SGCD: variants seen among roughly 807,000 people sequenced by gnomAD.
The protein encoded by SGCD is delta-sarcoglycan.
A neutral mutation model predicts 36.6 loss-of-function variants in SGCD; 18 were observed. The ratio of observed to expected loss-of-function variants is 0.49; its 90% CI spans 0.34 to 0.73. The LOEUF (loss-of-function observed/expected upper bound fraction) is 0.73. Among genes scored for constraint, SGCD ranks in the 30% least tolerant of loss-of-function variants. The probability of loss-of-function intolerance (pLI) is 0.01; values close to 1 mark genes in which losing one functional copy is unlikely to be tolerated. For missense variants in SGCD, 387 were observed against 346.7 expected (o/e 1.12, Z -0.92); for synonymous variants, 133 against 130.6 (o/e 1.02, Z -0.12).
In SGCD at chr5:156,234,270, G is replaced by C. The variant is rs1348375615; in HGVS notation, c.-43-95264G>C. ...TGAGTTTTAAGGGTTCTTTGTATAT[G>C]TTGGATACCAGACCTTTATCAAATA... On this transcript the variant is annotated intron_variant, in intron 3 of 9. Coordinates refer to the SGCD transcript ENST00000517913. Among the ~76,000 whole-genome samples the C allele has an allele frequency of 2.0e-5, 3 of 152,102 alleles. No homozygotes were observed. The East Asian group carries it at 5.8e-4, about 29-fold the overall frequency.
At chr5:155,886,235 C>T (rs993330450) in intron 1 of SGCD, among the ~76,000 whole-genome samples, 6 of 152,140 alleles carry the variant, frequency 3.9e-5, no homozygotes, top group African/African-American at 7.2e-5. Context: ...AAAAGCAGTA[C>T]GTGCAGTTAG....
Position 156,594,986 on chromosome 5 carries a change from G to A in SGCD, c.437G>A (p.Gly146Glu), listed in dbSNP as rs1438925313. 1.2e-6 allele frequency: 2 copies of A among 1,612,632 alleles called. No individual in the cohort carries two copies. Among genetic ancestry groups the A allele is most frequent in the Non-Finnish European group, 1.7e-6 (2 of 1,179,086 alleles). The change falls in exon 6 of 9, where the codon GGA (glycine) becomes GAA (glutamate). Residue 146 changes from glycine to glutamate, a missense_variant. Gly to Glu is a moderately conservative substitution (Grantham distance 98). Transcript: ENST00000337851. ...AAATTTGAGGTAAAAACTGTTTCTG[G>A]AAAATTGCTCTTCTCTGCAGACAAT... ...GKKFEVKTVS[G>E]KLLFSADNNE...
intron 1 of SGCD, among the ~76,000 whole-genome samples, chr5:155,917,743 C>A (rs1047377496): frequency 2.0e-5 from 3 of 152,108 alleles, no homozygotes; most frequent in Non-Finnish European, 4.4e-5. Context: ...GGAAACATGG[C>A]CAAGAGTTTC....
At chr5:156,620,601 A>C (rs897010904) in intron 6 of SGCD, among the ~76,000 whole-genome samples, 1 of 152,204 alleles carries the variant, frequency 6.6e-6, no homozygotes, top group African/African-American at 2.4e-5. Context: ...GGGGAAGTGT[A>C]ATGGATGGGG....
At chr5:156,297,640 G>A (rs1423312500) in intron 3 of SGCD, among the ~76,000 whole-genome samples, 1 of 124,230 alleles carries the variant, frequency 8.0e-6, no homozygotes, top group Non-Finnish European at 1.7e-5. Flanking sequence ...GACTGTTGTG[G>A]GGTGGGGGGA....
At chr5:156,422,325 GTTTTGT>G (rs764147011) in intron 3 of SGCD, among the ~76,000 whole-genome samples, 4 of 151,984 alleles carry the variant, frequency 2.6e-5, no homozygotes, top group African/African-American at 7.2e-5. Context: ...CAAAGTCACT[GTTTTGT>G]TTTTGTTTTT....
At chr5:156,638,626 G>A (rs2113556075) in intron 6 of SGCD, among the ~76,000 whole-genome samples, 2 of 152,224 alleles carry the variant, frequency 1.3e-5, no homozygotes, top group South Asian at 4.1e-4. Flanking sequence ...TTGTTATACT[G>A]TGCAGTTTTA....
chr5:156,443,112 G>A (rs1327505081), intron 3 of SGCD, among the ~76,000 whole-genome samples: 1 of 152,102 alleles, frequency 6.6e-6, no homozygotes, highest in Non-Finnish European at 1.5e-5. Flanking sequence ...AGCCTCCCGA[G>A]TAGCTGGGAT....
At chr5:155,829,200 C>G in the SGCD span, among the ~76,000 whole-genome samples, 1 of 152,092 alleles carries the variant, frequency 6.6e-6, no homozygotes, top group East Asian at 1.9e-4. Context: ...GCAGGATGAA[C>G]TATACACCTT....
the SGCD span, among the ~76,000 whole-genome samples, chr5:155,789,765 T>G: frequency 6.6e-6 from 1 of 152,092 alleles, no homozygotes; most frequent in Non-Finnish European, 1.5e-5. Context: ...TCACAAAGTA[T>G]GTTAGAAGTG....
chr5:156,738,634 ATGTGGCCAC>A (rs1178262098), intron 7 of SGCD: 8 of 152,184 alleles, frequency 5.3e-5, no homozygotes, highest in African/African-American at 1.9e-4. Context: ...GCAGTCTGTT[ATGTGGCCAC>A]TACATACAAC....
chr5:156,591,704 A>T (rs763575855), intron 5 of SGCD, among the ~76,000 whole-genome samples: 2 of 152,210 alleles, frequency 1.3e-5, no homozygotes, highest in Middle Eastern at 3.2e-3. Flanking sequence ...TTAATTCAAG[A>T]TTAGTTTCAC....
chr5:156,336,050 C>G (rs942778079), intron 2 of SGCD, among the ~76,000 whole-genome samples: 1 of 152,176 alleles, frequency 6.6e-6, no homozygotes, highest in Non-Finnish European at 1.5e-5. Flanking sequence ...CTTTCTGTAT[C>G]ATACCTGAGG....
chr5:156,483,506 T>C (rs922929893), intron 3 of SGCD, among the ~76,000 whole-genome samples: 9 of 152,226 alleles, frequency 5.9e-5, no homozygotes, highest in Non-Finnish European at 1.0e-4. Flanking sequence ...CCCACGTTCA[T>C]GTTACCTCAT....
At chr5:156,514,880 A>C (rs556637651) in intron 4 of SGCD, among the ~76,000 whole-genome samples, 3 of 152,338 alleles carry the variant, frequency 2.0e-5, no homozygotes, top group African/African-American at 7.2e-5. Flanking sequence ...AATGTTTTTT[A>C]ACTGTTAATA....
chr5:156,475,871 A>G lies in SGCD; in HGVS notation c.193-32730A>G, dbSNP rs143828780. ...GAAGGAGACCAAACCTAGGGAAGGC[A>G]GAAAGAAAAGGAGAAAAATAAAGAT... On this transcript the variant is annotated intron_variant, in intron 3 of 8. Transcript: ENST00000337851. 9.3e-3 allele frequency among the ~76,000 whole-genome samples: 1,415 copies of G among 152,360 alleles called. 19 individuals are homozygous for G. The highest frequency in any genetic ancestry group is 0.031 in the African/African-American group (1,293 of 41,584).
At chr5:155,825,410 C>T in the SGCD span, among the ~76,000 whole-genome samples, 18 of 152,110 alleles carry the variant, frequency 1.2e-4, no homozygotes, top group South Asian at 8.3e-4. Context: ...TGGCCCTCTG[C>T]GTTATATCAT....
the SGCD span, among the ~76,000 whole-genome samples, chr5:155,774,947 C>G: frequency 2.0e-5 from 3 of 152,150 alleles, no homozygotes; most frequent in Non-Finnish European, 2.9e-5. Context: ...CACATTGATG[C>G]TGCACACATT....
At chr5:156,244,270 A>G (rs1390631552) in intron 3 of SGCD, among the ~76,000 whole-genome samples, 1 of 152,192 alleles carries the variant, frequency 6.6e-6, no homozygotes, top group Non-Finnish European at 1.5e-5. Flanking sequence ...AAGAAAAAAA[A>G]TTGAGGAACC....
Sources: allele counts gnomAD v4.1 joint callset (sites outside exome capture counted in the v4.1 genomes callset), GRCh38; gene constraint gnomAD v4.1.1; transcripts MANE v1.5; gene names NCBI Gene and HGNC (gene_info 2026-07-23, HGNC 2026-07-21).